The following NFIB variants were observed in gnomAD, a reference collection of about 807,000 sequenced individuals.
The protein encoded by NFIB is nuclear factor 1 B-type.
NFIB carries 11 observed loss-of-function variants against 61.5 expected under a neutral mutation model. That is an observed-to-expected ratio of 0.18 (90% CI 0.11 to 0.30). NFIB has a LOEUF of 0.30. NFIB is among the 10% of genes least tolerant of loss of function. The probability of loss-of-function intolerance (pLI) is 1.00; values close to 1 mark genes in which losing one functional copy is unlikely to be tolerated. For synonymous variants in NFIB, 260 were observed against 216.5 expected (o/e 1.20, Z -1.76); for missense variants, 471 against 608.9 (o/e 0.77, Z 2.38).
chr9:14,187,946 AC>A (rs766673399), intron 2 of NFIB, among the ~76,000 whole-genome samples: 2 of 151,932 alleles, frequency 1.3e-5, no homozygotes, highest in South Asian at 2.1e-4. Context: ...GTACCAACCC[AC>A]CCCCCACAAC....
At chr9:14,289,556 T>A (rs1459532376) in intron 2 of NFIB, among the ~76,000 whole-genome samples, 1 of 151,572 alleles carries the variant, frequency 6.6e-6, no homozygotes, top group Non-Finnish European at 1.5e-5. Context: ...TATAGATAGA[T>A]AGATATACAC....
chr9:14,130,241 A>T (rs969345737), intron 6 of NFIB, among the ~76,000 whole-genome samples: 1 of 152,134 alleles, frequency 6.6e-6, no homozygotes, highest in Non-Finnish European at 1.5e-5. Flanking sequence ...ACAGTATCAC[A>T]TTTTTAAATA....
At chr9:14,262,438 T>C (rs1399253701) in intron 2 of NFIB, among the ~76,000 whole-genome samples, 1 of 152,154 alleles carries the variant, frequency 6.6e-6, no homozygotes, top group Non-Finnish European at 1.5e-5. Context: ...AACATGTTCA[T>C]AAAGGCAGCT....
At chr9:14,468,469 G>C in the NFIB span, among the ~76,000 whole-genome samples, 2 of 152,192 alleles carry the variant, frequency 1.3e-5, no homozygotes, top group Non-Finnish European at 2.9e-5. Flanking sequence ...TTCTTTGTTA[G>C]CTGGTACCCA....
At chr9:14,102,388 G>T (rs1563785992) in intron 10 of NFIB, 39 of 1,497,186 alleles carry the variant, frequency 2.6e-5, no homozygotes, top group Non-Finnish European at 3.5e-5. Flanking sequence ...ATTTTTAGGT[G>T]TAAGTGTAGG....
chr9:14,307,594 G>A lies in NFIB; in HGVS notation c.31-74C>T. The A allele has an allele frequency of 7.1e-7, 1 of 1,403,400 alleles. No individual in the cohort carries two copies. The highest frequency in any genetic ancestry group is 1.6e-5 in the South Asian group (1 of 62,718). 86.9% of individuals were successfully genotyped at this position (1,403,400 alleles called of 1,614,324 possible). On this transcript the variant is annotated intron_variant, in intron 1 of 10. Coordinates refer to ENST00000380953, the MANE Select transcript of NFIB (RefSeq NM_001190737.2). This position sits in a 1 kb window ranked among gnomAD's most constrained non-coding sequence, Gnocchi z 5.3. ...TTTAAAAGCTCAAAAAATAAGAAAA[G>A]AAGACCACAACCCGTTTCCAATTCA...
the NFIB span, among the ~76,000 whole-genome samples, chr9:14,418,898 G>C: frequency 1.3e-5 from 2 of 152,110 alleles, no homozygotes; most frequent in African/African-American, 4.8e-5. Flanking sequence ...GCTAAAATGA[G>C]CTTTAGGTTG....
At chr9:14,206,177 CT>C (rs57849439) in intron 2 of NFIB, among the ~76,000 whole-genome samples, 10,847 of 135,084 alleles carry the variant, frequency 0.08, 458 homozygotes, top group East Asian at 0.21. Flanking sequence ...CTCTCTCTCT[CT>C]TTTTTTTTTT....
chr9:14,190,394 G>A lies in NFIB; in HGVS notation c.563-10614C>T, dbSNP rs368277378. Among the ~76,000 whole-genome samples the A allele has an allele frequency of 2.0e-5, 3 of 152,224 alleles. No individual in the cohort carries two copies. In the East Asian group the frequency reaches 5.8e-4, roughly 29 times the overall value. Reference sequence around the variant, plus strand: ...ACGTGGGGTATTCATTACTGCTTCTGTTCATAAAATAACTTTATCAAAATA... The same window carrying A: ...ACGTGGGGTATTCATTACTGCTTCTATTCATAAAATAACTTTATCAAAATA... On this transcript the variant is annotated intron_variant, in intron 2 of 10. Coordinates refer to ENST00000380953, the MANE Select transcript of NFIB (RefSeq NM_001190737.2).
the NFIB span, among the ~76,000 whole-genome samples, chr9:14,414,281 A>G: frequency 0.092 from 13,985 of 151,920 alleles, 825 homozygotes; most frequent in Non-Finnish European, 0.13. Context: ...CTAAAAATAC[A>G]AAAATTAGCT....
chr9:14,498,136 G>A, the NFIB span, among the ~76,000 whole-genome samples: 2 of 152,222 alleles, frequency 1.3e-5, no homozygotes, highest in Non-Finnish European at 2.9e-5. Context: ...AAGGCTCAGA[G>A]GAAGAAATGA....
At chr9:14,314,971 C>G (rs1588290411), upstream of NFIB, among the ~76,000 whole-genome samples, 2 of 152,002 alleles carry the variant, frequency 1.3e-5, no homozygotes, top group South Asian at 2.1e-4. Context: ...GAGAAAGGAA[C>G]GAGTGGAAAA....
At chr9:14,211,965 C>T (rs992478766) in intron 2 of NFIB, among the ~76,000 whole-genome samples, 2 of 152,176 alleles carry the variant, frequency 1.3e-5, no homozygotes, top group African/African-American at 4.8e-5. Context: ...AAATAATGTA[C>T]CACTGGGTTT....
intron 10 of NFIB, among the ~76,000 whole-genome samples, chr9:14,105,106 G>T (rs929479157): frequency 1.3e-5 from 2 of 151,828 alleles, no homozygotes; most frequent in African/African-American, 4.8e-5. Flanking sequence ...TTTGTTTTAC[G>T]ACCCCCAAAA....
intron 2 of NFIB, among the ~76,000 whole-genome samples, chr9:14,217,096 C>A (rs909356142): frequency 6.6e-6 from 1 of 152,104 alleles, no homozygotes; most frequent in African/African-American, 2.4e-5. Context: ...GCCCCAAAAC[C>A]TTATTTTTGG....
At chr9:14,521,670 A>T in the NFIB span, among the ~76,000 whole-genome samples, 1 of 152,202 alleles carries the variant, frequency 6.6e-6, no homozygotes, top group Admixed American at 6.5e-5. Context: ...TTGTTCAGTT[A>T]ATGGAATCTT....
intron 2 of NFIB, among the ~76,000 whole-genome samples, chr9:14,225,281 C>T (rs2052223883): frequency 1.3e-5 from 2 of 151,212 alleles, no homozygotes; most frequent in South Asian, 4.2e-4. Flanking sequence ...CTTAAGAAGC[C>T]AGTTATTGTT....
intron 2 of NFIB, among the ~76,000 whole-genome samples, chr9:14,261,705 A>C (rs2132241217): frequency 6.6e-6 from 1 of 152,278 alleles, no homozygotes; most frequent in African/African-American, 2.4e-5. Flanking sequence ...TTTTAGGGGA[A>C]CTTAATGAAC....
At chr9:14,175,163 ATTTCTTT>A (rs1457670216) in intron 3 of NFIB, among the ~76,000 whole-genome samples, 2 of 102,106 alleles carry the variant, frequency 2.0e-5, no homozygotes, top group Non-Finnish European at 3.8e-5. Flanking sequence ...GACTTAAAGA[ATTTCTTT>A]TTTTTTTTTT....
Sources: gnomAD v4.1 joint callset for allele counts (sites outside exome capture counted in the v4.1 genomes callset) on GRCh38, gnomAD v4.1.1 for gene constraint, Gnocchi (gnomAD v3.1) non-coding constraint, MANE v1.5 for transcripts, NCBI Gene and HGNC (gene_info 2026-07-23, HGNC 2026-07-21) for gene names.